SUGCT: variants seen among roughly 807,000 people sequenced by gnomAD.
SUGCT encodes succinyl-CoA:glutarate-CoA transferase.
A neutral mutation model predicts 55.0 loss-of-function variants in SUGCT; 41 were observed. The observed-to-expected ratio is 0.74, with a 90% confidence interval of 0.58 to 0.97. SUGCT has a LOEUF of 0.97. SUGCT is among the 50% of genes least tolerant of loss of function. SUGCT has a pLI of 0.00. For synonymous variants in SUGCT, 187 were observed against 200.4 expected, an observed-to-expected ratio of 0.93 and a Z score of 0.56; for missense variants, 568 against 547.8, an observed-to-expected ratio of 1.04 and a Z score of -0.37.
intron 13 of SUGCT, among the ~76,000 whole-genome samples, chr7:40,772,544 ATC>A (rs1562994111): frequency 7.5e-5 from 11 of 146,864 alleles, no homozygotes; most frequent in Non-Finnish European, 6.1e-5. Flanking sequence ...CTATCTATCT[ATC>A]TATCTATCTA....
chr7:40,638,101 G>A (rs1409479099), intron 12 of SUGCT, among the ~76,000 whole-genome samples: 1 of 152,190 alleles, frequency 6.6e-6, no homozygotes, highest in Non-Finnish European at 1.5e-5. Flanking sequence ...CCCTGTTTCT[G>A]TAGCTTACCT....
chr7:40,780,775 C>CTTTTTTTTTTTT (rs34455435), intron 13 of SUGCT, among the ~76,000 whole-genome samples: 3 of 134,800 alleles, frequency 2.2e-5, no homozygotes, highest in African/African-American at 5.5e-5. Context: ...TCTTCTTCTT[C>CTTTTTTTTTTTT]TTTTTTTTTT....
the SUGCT span, among the ~76,000 whole-genome samples, chr7:40,970,346 G>GT: frequency 2.6e-5 from 4 of 152,024 alleles, no homozygotes; most frequent in Admixed American, 1.3e-4. Context: ...TAATTTTTGT[G>GT]TTTTTTGTAG....
chr7:40,376,162 A>C (rs1784531045), intron 9 of SUGCT, among the ~76,000 whole-genome samples: 1 of 152,202 alleles, frequency 6.6e-6, no homozygotes, highest in Admixed American at 6.5e-5. Context: ...AAATGACAGA[A>C]AAAGCTATGA....
At chr7:40,937,514 T>C in the SUGCT span, among the ~76,000 whole-genome samples, 2 of 152,216 alleles carry the variant, frequency 1.3e-5, no homozygotes, top group African/African-American at 2.4e-5. Context: ...CCAGCCATTA[T>C]TGTTGAATTG....
At chr7:40,674,171 C>A (rs1462736754) in intron 12 of SUGCT, among the ~76,000 whole-genome samples, 1 of 152,170 alleles carries the variant, frequency 6.6e-6, no homozygotes, top group African/African-American at 2.4e-5. Context: ...AGTACTATTT[C>A]TTCTTGGAAG....
At chr7:40,764,537 G>A (rs1041763905) in intron 13 of SUGCT, among the ~76,000 whole-genome samples, 1 of 151,810 alleles carries the variant, frequency 6.6e-6, no homozygotes, top group African/African-American at 2.4e-5. Context: ...AATATAAATG[G>A]TATATTAGTA....
chr7:40,569,819 A>T (rs1796345001), intron 12 of SUGCT, among the ~76,000 whole-genome samples: 1 of 152,244 alleles, frequency 6.6e-6, no homozygotes, highest in African/African-American at 2.4e-5. Context: ...TCATTGCATT[A>T]AAAACCTTTT....
chr7:40,921,371 G>A, the SUGCT span, among the ~76,000 whole-genome samples: 2 of 152,202 alleles, frequency 1.3e-5, no homozygotes, highest in East Asian at 1.9e-4. Flanking sequence ...GCTGCACTCC[G>A]CCAGGGTGGA....
chr7:40,982,910 A>G, the SUGCT span, among the ~76,000 whole-genome samples: 4 of 152,084 alleles, frequency 2.6e-5, no homozygotes, highest in South Asian at 4.1e-4. Flanking sequence ...CAGCCTCCCA[A>G]CGTTCTGGGA....
At chr7:40,852,048 T>C (rs905329503) in intron 13 of SUGCT, among the ~76,000 whole-genome samples, 1 of 152,220 alleles carries the variant, frequency 6.6e-6, no homozygotes, top group Non-Finnish European at 1.5e-5. Flanking sequence ...ACTCTTCCTT[T>C]AATTTCAGAC....
At chr7:40,591,006 T>G (rs1014801195) in intron 12 of SUGCT, among the ~76,000 whole-genome samples, 2 of 152,202 alleles carry the variant, frequency 1.3e-5, no homozygotes, top group Non-Finnish European at 2.9e-5. Flanking sequence ...ATTGCTTTCA[T>G]GCCTACTGAC....
chr7:40,529,707 A>G (rs147271557), intron 12 of SUGCT, among the ~76,000 whole-genome samples: 227 of 152,314 alleles, frequency 1.5e-3, no homozygotes, highest in African/African-American at 5.2e-3. Context: ...TCCATGTATA[A>G]GAAGACCTGT....
rs1045786831 is a variant in SUGCT at position 40,248,278 on chromosome 7, C to T, written c.576+10552C>T. 2.6e-5 allele frequency among the ~76,000 whole-genome samples: 4 copies of T among 151,866 alleles called. No homozygotes were observed. The South Asian group carries it at 6.2e-4, about 24-fold the overall frequency. The stretch of plus-strand genomic sequence containing the variant: ...TGCCCATCTGAGCCTCCCAAAGTGC[C>T]GGAATTACAGGCATGAGCCACCACG... On this transcript the variant is annotated intron_variant, in intron 7 of 13. Coordinates refer to ENST00000335693, the MANE Select transcript of SUGCT (RefSeq NM_001193313.2).
the SUGCT span, among the ~76,000 whole-genome samples, chr7:41,026,149 G>A: frequency 6.6e-6 from 1 of 152,188 alleles, no homozygotes. Context: ...AGCTTCATGG[G>A]CCTGCGACCT....
At chr7:40,237,136 G>GT (rs945746626) in intron 6 of SUGCT, among the ~76,000 whole-genome samples, 8 of 149,768 alleles carry the variant, frequency 5.3e-5, no homozygotes, top group Admixed American at 6.6e-5. Context: ...CCCGGCCTGA[G>GT]TTTTTTTTTA....
At position 40,610,558 on chromosome 7, in the gene SUGCT, G is replaced by C. The variant is rs920853680; in HGVS notation, c.1089+114172G>C. Among the ~76,000 whole-genome samples, 7 of 152,128 alleles carry C rather than the reference G, an allele frequency of 4.6e-5. No individual in the cohort carries two copies. The South Asian group carries it at 1.5e-3, about 32-fold the overall frequency. ...GAAAAAAATTCTAGGAAAACATTTT[G>C]CTAGAAGAGAGCTAGTTCTCAAATG... On this transcript the variant is annotated intron_variant, in intron 12 of 13. Coordinates refer to ENST00000335693, the MANE Select transcript of SUGCT (RefSeq NM_001193313.2).
chr7:40,346,567 C>T (rs1158350194), intron 9 of SUGCT, among the ~76,000 whole-genome samples: 2 of 152,074 alleles, frequency 1.3e-5, no homozygotes, highest in Non-Finnish European at 2.9e-5. Context: ...GTTAAAATGA[C>T]AATAACATAA....
At chr7:40,393,964 C>T (rs1221349209) in intron 9 of SUGCT, among the ~76,000 whole-genome samples, 1 of 152,138 alleles carries the variant, frequency 6.6e-6, no homozygotes, top group Non-Finnish European at 1.5e-5. Flanking sequence ...CAAAAGCAAC[C>T]AAAGAATTGT....
Sources: gnomAD v4.1 joint callset for allele counts (sites outside exome capture counted in the v4.1 genomes callset) on GRCh38, gnomAD v4.1.1 for gene constraint, MANE v1.5 for transcripts, NCBI Gene and HGNC (gene_info 2026-07-23, HGNC 2026-07-21) for gene names.